XG: variants seen among roughly 807,000 people sequenced by gnomAD.
XG encodes the protein glycoprotein Xg.
Under a neutral mutation model 25.7 loss-of-function variants are expected in XG, and 24 were observed. The observed-to-expected ratio is 0.93, with a 90% CI of 0.68 to 1.31. XG has a LOEUF of 1.31. Among genes scored for constraint, XG ranks in the 40% most tolerant of loss-of-function variants. The pLI is 0.00. For missense variants in XG, 181 were observed against 187.6 expected (o/e 0.96, Z 0.21); for synonymous variants, 77 against 69.2 (o/e 1.11, Z -0.56).
intron 7 of XG, among the ~76,000 whole-genome samples, chrX:2,806,088 C>T (rs1272294347): frequency 2.7e-5 from 3 of 112,064 alleles, no homozygotes; most frequent in Non-Finnish European, 3.8e-5. Context: ...AGTGCAGGGA[C>T]GTGATCATAG....
rs1411960058 is a variant in XG, at chrX:2,815,853, C to T, written c.*1473C>T. ...TAAATGGAATCTAAACATTTTTAGC[C>T]TTTAATCCATTCCATTTTCTAAAAC... On this transcript the variant is annotated 3_prime_UTR_variant, in exon 11 of 11. Transcript: ENST00000644266. 3.8e-5 allele frequency: 4 copies of T among 104,605 alleles called. No individual in the cohort carries two copies. Among genetic ancestry groups the T allele is most frequent in the African/African-American group, 1.4e-4 (4 of 29,397 alleles). 8.6% of individuals were successfully genotyped at this position (104,605 alleles called of 1,213,427 possible).
chrX:2,760,579 CA>C (rs1164434566), intron 1 of XG, among the ~76,000 whole-genome samples: 11,898 of 116,778 alleles, frequency 0.1, 1,040 homozygotes, highest in African/African-American at 0.26. Context: ...ACTAAAAATA[CA>C]AAAAAAAAAA....
chrX:2,801,336 GGAGAGAGAGAAA>G (rs1024928318), intron 7 of XG, among the ~76,000 whole-genome samples: 2 of 109,580 alleles, frequency 1.8e-5, no homozygotes, highest in African/African-American at 3.4e-5. Context: ...AGAGAGAGAG[GGAGAGAGAGAAA>G]GAGAGAGAGA....
chrX:2,796,325 G>T (rs183112718), intron 6 of XG, among the ~76,000 whole-genome samples: 3 of 107,958 alleles, frequency 2.8e-5, no homozygotes, highest in Non-Finnish European at 5.7e-5. Context: ...ATTTGTAAAT[G>T]TCTTTCCATA....
intron 1 of XG, among the ~76,000 whole-genome samples, chrX:2,761,059 C>T (rs2050554897): frequency 6.6e-6 from 1 of 152,114 alleles, no homozygotes; most frequent in African/African-American, 2.4e-5. Context: ...CATTTGTATT[C>T]CAATGAATGA....
chrX:2,794,633 C>T (rs1168076181), intron 6 of XG, 30 bp downstream of exon 6: 2 of 1,201,523 alleles, frequency 1.7e-6, no homozygotes, highest in Non-Finnish European at 2.2e-6. Flanking sequence ...AGATGCGACA[C>T]ATTGAATTTG....
At chrX:2,804,331 G>A (rs1430695747) in intron 7 of XG, among the ~76,000 whole-genome samples, 4 of 112,676 alleles carry the variant, frequency 3.6e-5, no homozygotes, top group Non-Finnish European at 5.6e-5. Context: ...CAGCTTAAGG[G>A]TTAGAAGCAA....
chrX:2,794,587 G>T lies in XG; in HGVS notation c.306G>T (p.Arg102Ser). 1 of 1,211,227 alleles carries T rather than the reference G, an allele frequency of 8.3e-7. No homozygotes were observed. The highest frequency in any genetic ancestry group is 1.1e-6 in the Non-Finnish European group (1 of 895,293). ...ACGGACGCTACCCGCCCAGGCCCAG[G>T]CCACGGCCGCCTGCAGGTAGGTGCC... ...RDDGRYPPRPRPRPPAGGGGG... is the reference protein window; with the variant it reads ...RDDGRYPPRPSPRPPAGGGGG... Residue 102 changes from arginine (R) to serine (S), a missense_variant, in exon 6 of 11, where the codon AGG becomes AGT. Physicochemically the swap from Arg to Ser is moderately radical, Grantham distance 110. Coordinates refer to ENST00000644266, the MANE Select transcript of XG (RefSeq NM_001141919.2).
intron 7 of XG, among the ~76,000 whole-genome samples, chrX:2,799,241 C>T (rs2086913391): frequency 9.0e-6 from 1 of 111,238 alleles, no homozygotes. Flanking sequence ...CACTCTACTC[C>T]CACCCTCTGC....
chrX:2,792,545 TTGTGTGTGTGTGTG>T (rs146747084), intron 5 of XG, among the ~76,000 whole-genome samples: 3 of 99,749 alleles, frequency 3.0e-5, no homozygotes, highest in African/African-American at 1.1e-4. Context: ...TTCTTTTTCT[TTGTGTGTGTGTGTG>T]TGTGTGTGTG....
intron 1 of XG, among the ~76,000 whole-genome samples, chrX:2,754,070 T>C (rs2050385407): frequency 6.6e-6 from 1 of 152,170 alleles, no homozygotes; most frequent in Non-Finnish European, 1.5e-5. Flanking sequence ...TTAAATGCAC[T>C]TACAACATAA....
intron 2 of XG, among the ~76,000 whole-genome samples, chrX:2,772,772 C>G (rs916311311): frequency 2.0e-5 from 3 of 152,172 alleles, no homozygotes; most frequent in Non-Finnish European, 2.9e-5. Flanking sequence ...CTGCTACTAC[C>G]TTTTCATTGC....
intron 1 of XG, among the ~76,000 whole-genome samples, chrX:2,757,826 G>A (rs1386714466): frequency 6.6e-6 from 1 of 151,256 alleles, no homozygotes; most frequent in Non-Finnish European, 1.5e-5. Context: ...ACAAAAATTA[G>A]CCAGGCATGG....
intron 2 of XG, among the ~76,000 whole-genome samples, chrX:2,774,033 G>A (rs1569462296): frequency 6.6e-6 from 1 of 152,040 alleles, no homozygotes; most frequent in Non-Finnish European, 1.5e-5. Context: ...TGTTCCAGCC[G>A]CCTCCTACCA....
intron 5 of XG, among the ~76,000 whole-genome samples, chrX:2,792,032 C>G (rs1569041297): frequency 9.0e-6 from 1 of 110,829 alleles, no homozygotes; most frequent in Non-Finnish European, 1.9e-5. Flanking sequence ...CAGGTAATCC[C>G]AGCACTTTGG....
rs748086038 is a variant in XG at position 2,756,651 on chromosome X, C to A, written c.61+4316C>A. On this transcript the variant is annotated intron_variant, in intron 1 of 10. Transcript: ENST00000644266. ...ATACACCAGCTAAGACAGTCTCTTC[C>A]AAGTCTATTGTACATTATTCCCTTA... Among the ~76,000 whole-genome samples the A allele has an allele frequency of 4.0e-3, 607 of 152,282 alleles. 2 individuals are homozygous for A. The highest frequency in any genetic ancestry group is 0.014 in the African/African-American group (581 of 41,544).
intron 5 of XG, among the ~76,000 whole-genome samples, chrX:2,789,938 G>A (rs2086821932): frequency 9.1e-6 from 1 of 109,982 alleles, no homozygotes; most frequent in African/African-American, 3.3e-5. Flanking sequence ...TTGCAGCCTT[G>A]AACTCCTGGG....
intron 1 of XG, among the ~76,000 whole-genome samples, chrX:2,767,626 T>C (rs994877532): frequency 6.6e-5 from 10 of 152,114 alleles, no homozygotes; most frequent in Non-Finnish European, 1.3e-4. Flanking sequence ...AGAGTTAGCG[T>C]TGTCTACCTG....
Position 2,814,424 on chromosome X carries a change from C to T in XG, c.*44C>T, listed in dbSNP as rs773663426. ...ATTACTTTGAGAAAAACAACTAAAA[C>T]AAGAACCGTGTTTATCACTGTTGTG... On this transcript the variant is annotated 3_prime_UTR_variant, in exon 11 of 11. Transcript: ENST00000644266. 2 of 1,180,667 alleles carry T rather than the reference C, an allele frequency of 1.7e-6. No individual in the cohort carries two copies. The highest frequency in any genetic ancestry group is 3.5e-5 in the African/African-American group (2 of 56,479).
Sources: allele counts gnomAD v4.1 joint callset (sites outside exome capture counted in the v4.1 genomes callset), GRCh38; gene constraint gnomAD v4.1.1; transcripts MANE v1.5; gene names NCBI Gene and HGNC (gene_info 2026-07-23, HGNC 2026-07-21).